CAST: variants seen among roughly 807,000 people sequenced by gnomAD.
CAST encodes the protein calpastatin.
Under a neutral mutation model 119.6 loss-of-function variants are expected in CAST, and 76 were observed. The ratio of observed to expected loss-of-function variants is 0.64; its 90% CI spans 0.53 to 0.77. The LOEUF (loss-of-function observed/expected upper bound fraction) is 0.77, where lower values mean the gene tolerates loss of function less well. Ranked by LOEUF, CAST falls within the 30% of genes least tolerant of loss-of-function variation. CAST has a pLI of 0.00. For missense variants in CAST, 953 were observed against 946.5 expected (o/e 1.01, Z -0.09); for synonymous variants, 319 against 331.6 (o/e 0.96, Z 0.41).
the CAST span, among the ~76,000 whole-genome samples, chr5:96,447,974 G>C: frequency 6.6e-6 from 1 of 151,130 alleles, no homozygotes; most frequent in Non-Finnish European, 1.5e-5. Flanking sequence ...CAAACATTTT[G>C]AGTGCTGGAG....
chr5:95,973,955 TTTAAG>T, the CAST span, among the ~76,000 whole-genome samples: 8 of 152,006 alleles, frequency 5.3e-5, no homozygotes, highest in East Asian at 3.9e-4. Context: ...CACTACAGCA[TTTAAG>T]TTGAGTTTCT....
At chr5:96,088,011 T>C in the CAST span, among the ~76,000 whole-genome samples, 1 of 152,188 alleles carries the variant, frequency 6.6e-6, no homozygotes, top group Non-Finnish European at 1.5e-5. Flanking sequence ...TCCATGACAA[T>C]ATGCTGTTGG....
chr5:96,577,773 C>G (rs1188121024), intron 1 of CAST, among the ~76,000 whole-genome samples: 1 of 151,992 alleles, frequency 6.6e-6, no homozygotes, highest in East Asian at 1.9e-4. Context: ...TTGTTGGTGT[C>G]TGTTTTATGG....
chr5:96,417,715 C>A, the CAST span, among the ~76,000 whole-genome samples: 12 of 152,132 alleles, frequency 7.9e-5, no homozygotes, highest in Non-Finnish European at 1.2e-4. Flanking sequence ...TTTTTAAAAT[C>A]CCTTTGTTAC....
At chr5:95,966,449 T>C in the CAST span, among the ~76,000 whole-genome samples, 3 of 152,186 alleles carry the variant, frequency 2.0e-5, no homozygotes, top group Admixed American at 2.0e-4. Context: ...GCTGTGCACT[T>C]CCTGGGGCTG....
At chr5:96,210,215 CCAAAGAGAG>C in the CAST span, 1 of 151,882 alleles carries the variant, frequency 6.6e-6, no homozygotes, top group Non-Finnish European at 1.5e-5. Flanking sequence ...ATATGTGCTG[CCAAAGAGAG>C]CACAAATCTA....
chr5:96,170,764 A>G, the CAST span, among the ~76,000 whole-genome samples: 1 of 152,144 alleles, frequency 6.6e-6, no homozygotes, highest in African/African-American at 2.4e-5. Flanking sequence ...TGGATAAAGG[A>G]AAAGGAGCAT....
At chr5:96,103,300 T>G in the CAST span, among the ~76,000 whole-genome samples, 1 of 151,002 alleles carries the variant, frequency 6.6e-6, no homozygotes, top group African/African-American at 2.4e-5. Context: ...CTGCACCCAT[T>G]AACTCGTCAT....
chr5:96,621,539 G>A (rs923297838), intron 1 of CAST, among the ~76,000 whole-genome samples: 1 of 152,128 alleles, frequency 6.6e-6, no homozygotes. Context: ...TGTGTGTGAA[G>A]GAGAAACTGT....
chr5:96,333,493 C>CT, the CAST span, among the ~76,000 whole-genome samples: 12 of 152,024 alleles, frequency 7.9e-5, no homozygotes, highest in South Asian at 1.5e-3. Flanking sequence ...GCCTTCTCAC[C>CT]TTTTTTTTCT....
chr5:96,540,327 A>AT (rs1428134248), intron 1 of CAST, among the ~76,000 whole-genome samples: 7 of 151,596 alleles, frequency 4.6e-5, no homozygotes, highest in Middle Eastern at 3.2e-3. Context: ...TCTTTAAAAC[A>AT]TTTTTTTTCC....
At chr5:96,764,254 C>T (rs26502) in intron 25 of CAST, among the ~76,000 whole-genome samples, 64,721 of 151,956 alleles carry the variant, frequency 0.43, 14,115 homozygotes, top group South Asian at 0.47. Context: ...TTTTAAATGC[C>T]TTTTCAATCA....
At chr5:96,581,294 GA>G (rs1387464487) in intron 1 of CAST, among the ~76,000 whole-genome samples, 1 of 152,066 alleles carries the variant, frequency 6.6e-6, no homozygotes, top group African/African-American at 2.4e-5. Context: ...AACATATGAA[GA>G]GATGTTTGAC....
At chr5:96,722,788 A>T (rs908856893) in intron 4 of CAST, 90 bp downstream of exon 4, 1 of 920,274 alleles carries the variant, frequency 1.1e-6, no homozygotes, top group Non-Finnish European at 1.8e-6. Flanking sequence ...ATGATGAGTT[A>T]TATATGCTAG....
At chr5:96,106,846 G>A in the CAST span, among the ~76,000 whole-genome samples, 1 of 139,194 alleles carries the variant, frequency 7.2e-6, no homozygotes, top group Non-Finnish European at 1.6e-5. Context: ...CATTATTAAT[G>A]TGTGGGAGTC....
chr5:96,296,187 C>T, the CAST span, among the ~76,000 whole-genome samples: 112 of 152,320 alleles, frequency 7.4e-4, 1 homozygote, highest in African/African-American at 2.5e-3. Context: ...TCCCACATTA[C>T]AATGTTTCCT....
At chr5:95,988,957 T>G in the CAST span, among the ~76,000 whole-genome samples, 2 of 152,178 alleles carry the variant, frequency 1.3e-5, no homozygotes, top group African/African-American at 4.8e-5. Context: ...AACGTAATGC[T>G]CTTGTTTCTT....
chr5:96,400,333 A>G, the CAST span: 1 of 674,814 alleles, frequency 1.5e-6, no homozygotes, highest in Non-Finnish European at 2.7e-6. Context: ...ATTACTGTTC[A>G]TATATCTTTT....
At chr5:96,115,084 G>A in the CAST span, among the ~76,000 whole-genome samples, 5 of 152,176 alleles carry the variant, frequency 3.3e-5, no homozygotes, top group African/African-American at 9.7e-5. Flanking sequence ...CAGATATTTA[G>A]TACATGATCA....
Sources: gnomAD v4.1 joint callset for allele counts (sites outside exome capture counted in the v4.1 genomes callset) on GRCh38, gnomAD v4.1.1 for gene constraint, MANE v1.5 for transcripts, NCBI Gene and HGNC (gene_info 2026-07-23, HGNC 2026-07-21) for gene names.